RBM33: variants seen among roughly 807,000 people sequenced by gnomAD.
The protein encoded by RBM33 is RNA binding motif protein 33.
RBM33 carries 28 observed loss-of-function variants against 132.6 expected under a neutral mutation model. The ratio of observed to expected loss-of-function variants is 0.21; its 90% CI spans 0.16 to 0.29. The LOEUF (loss-of-function observed/expected upper bound fraction) is 0.29, where lower values mean the gene tolerates loss of function less well. Among genes scored for constraint, RBM33 ranks in the 10% least tolerant of loss-of-function variants. The probability of loss-of-function intolerance (pLI) is 1.00; values close to 1 mark genes in which losing one functional copy is unlikely to be tolerated. For synonymous variants in RBM33, 634 were observed against 593.0 expected (o/e 1.07, Z -1.01); for missense variants, 1,291 against 1,518.5 (o/e 0.85, Z 2.49).
chr7:155,656,680 T>TA (rs1183789644), intron 1 of RBM33, among the ~76,000 whole-genome samples: 1 of 152,228 alleles, frequency 6.6e-6, no homozygotes, highest in South Asian at 2.1e-4. Flanking sequence ...AGTCAGACAT[T>TA]AAAGAGTTTT....
chr7:155,744,527 C>T (rs1801451899), intron 13 of RBM33, among the ~76,000 whole-genome samples: 1 of 152,162 alleles, frequency 6.6e-6, no homozygotes. Context: ...GAAAATTCTG[C>T]ACGAAAAATC....
Position 155,774,932 on chromosome 7 carries a change from C to G in RBM33, c.3465-61C>G. ...CCGGGCTCTTTTAGTTTCCTCCCAC[C>G]TTGGTAGGTTGATTGCCGATGTGCA... On this transcript the variant is annotated intron_variant, in intron 17 of 17. Coordinates refer to ENST00000401878, the MANE Select transcript of RBM33 (RefSeq NM_053043.3). The surrounding 1 kb of genome is among the most constrained non-coding windows in gnomAD (Gnocchi z 4.2). 1 of 1,519,526 alleles carries G rather than the reference C, an allele frequency of 6.6e-7. No homozygotes were observed. Among genetic ancestry groups the G allele is most frequent in the Non-Finnish European group, 9.1e-7 (1 of 1,094,534 alleles). 94.1% of individuals were successfully genotyped at this position (1,519,526 alleles called of 1,614,324 possible).
chr7:155,718,965 TC>T (rs1800545387), intron 9 of RBM33, among the ~76,000 whole-genome samples: 2 of 152,226 alleles, frequency 1.3e-5, no homozygotes, highest in South Asian at 2.1e-4. Flanking sequence ...TCTCTCTCTC[TC>T]TCACACACAC....
chr7:155,750,424 A>G (rs921210496), intron 14 of RBM33, among the ~76,000 whole-genome samples: 2 of 152,258 alleles, frequency 1.3e-5, no homozygotes, highest in African/African-American at 4.8e-5. Context: ...AAAAGGAATT[A>G]GAACAAACAA....
intron 2 of RBM33, among the ~76,000 whole-genome samples, chr7:155,669,865 T>C (rs114036900): frequency 1.5e-3 from 230 of 152,274 alleles, no homozygotes; most frequent in African/African-American, 5.3e-3. Context: ...CTCCTCCTAC[T>C]TGGTGACGTT....
chr7:155,775,123 C>T lies in RBM33; in HGVS notation c.*82C>T, dbSNP rs1303630145. The T allele has an allele frequency of 4.0e-6, 5 of 1,234,882 alleles. No individual in the cohort carries two copies. In the Admixed American group the frequency reaches 8.5e-5, roughly 21 times the overall value. The allele number at this position is 1,234,882 out of a possible 1,614,324, so 76.5% of individuals were successfully genotyped here. On this transcript the variant is annotated 3_prime_UTR_variant, in exon 18 of 18. Coordinates refer to ENST00000401878, the MANE Select transcript of RBM33 (RefSeq NM_053043.3). ...GGAGCTGCCGGCCGGCGCAGAACCC[C>T]CAGGAGCACAGGTCTCTCCGGGCCG...
chr7:155,698,724 TG>T (rs1460197848), intron 5 of RBM33, among the ~76,000 whole-genome samples: 2 of 152,358 alleles, frequency 1.3e-5, no homozygotes, highest in African/African-American at 2.4e-5. Context: ...TGGTTACCAG[TG>T]TAATTTTGTT....
chr7:155,681,448 A>G (rs1799335972), intron 5 of RBM33, among the ~76,000 whole-genome samples: 1 of 151,878 alleles, frequency 6.6e-6, no homozygotes, highest in African/African-American at 2.4e-5. Flanking sequence ...GATTGTGCTG[A>G]TTTTTTATTT....
At chr7:155,675,281 G>C (rs1462160229) in intron 3 of RBM33, among the ~76,000 whole-genome samples, 2 of 137,856 alleles carry the variant, frequency 1.5e-5, no homozygotes, top group African/African-American at 2.9e-5. Flanking sequence ...GAGACGGAGT[G>C]AGACTCCGTC....
intron 2 of RBM33, among the ~76,000 whole-genome samples, chr7:155,666,793 A>G (rs949091584): frequency 1.3e-4 from 20 of 152,256 alleles, no homozygotes; most frequent in Middle Eastern, 3.4e-3. Flanking sequence ...TTTATTGTTT[A>G]TAAGTATCTC....
At chr7:155,676,162 G>A (rs1799179366) in intron 3 of RBM33, among the ~76,000 whole-genome samples, 1 of 152,146 alleles carries the variant, frequency 6.6e-6, no homozygotes, top group Non-Finnish European at 1.5e-5. Flanking sequence ...GCCCGAGGGA[G>A]GCGCATAGTA....
rs571547628 is a variant in RBM33, at chr7:155,745,821, G to A, written c.2979+219G>A. The A allele has an allele frequency of 5.8e-5, 33 of 568,110 alleles. No individual in the cohort carries two copies. The highest frequency in any genetic ancestry group is 3.6e-4 in the African/African-American group (19 of 53,456). The allele number at this position is 568,110 out of a possible 1,614,324, so 35.2% of individuals were successfully genotyped here. Reference sequence around the variant, plus strand: ...TAGGCGATTTTGTCATTGTCTGAACGTGCTAGAATGTACTTCCATACACAG... The same window carrying A: ...TAGGCGATTTTGTCATTGTCTGAACATGCTAGAATGTACTTCCATACACAG... On this transcript the variant is annotated intron_variant, in intron 14 of 17. Coordinates refer to ENST00000401878, the MANE Select transcript of RBM33 (RefSeq NM_053043.3). This position sits in a 1 kb window ranked among gnomAD's most constrained non-coding sequence, Gnocchi z 4.1.
At chr7:155,763,699 G>T in intron 14 of RBM33, 113 bp from the exon 15 acceptor site, 1 of 944,244 alleles carries the variant, frequency 1.1e-6, no homozygotes, top group South Asian at 1.4e-5. Flanking sequence ...ACACTTGTTT[G>T]AAATGGTTTT....
At position 155,777,833 on chromosome 7, in the gene RBM33, T is replaced by C. The variant is rs1359621484; in HGVS notation, c.*2792T>C. On this transcript the variant is annotated 3_prime_UTR_variant, in exon 18 of 18. Transcript: ENST00000401878. ...AAAGATGGTAGTAAGTCAATACATT[T>C]ATCCTGATCTGTGTATTATTTGTTC... The C allele has an allele frequency of 6.5e-6, 1 of 152,708 alleles. No individual in the cohort carries two copies. Among genetic ancestry groups the C allele is most frequent in the African/African-American group, 2.4e-5 (1 of 41,468 alleles). The allele number at this position is 152,708 out of a possible 1,614,324, so 9.5% of individuals were successfully genotyped here.
chr7:155,673,729 CATAT>C (rs1185961264), intron 3 of RBM33, among the ~76,000 whole-genome samples: 1 of 143,482 alleles, frequency 7.0e-6, no homozygotes, highest in African/African-American at 2.7e-5. Flanking sequence ...TATACACACA[CATAT>C]ATACATACAC....
intron 16 of RBM33, 66 bp downstream of exon 16, chr7:155,766,721 T>G (rs1245619722): frequency 6.7e-7 from 1 of 1,482,416 alleles, no homozygotes; most frequent in Non-Finnish European, 9.2e-7. Flanking sequence ...CATTTCTTGA[T>G]TTAAAACACA....
chr7:155,707,803 C>G (rs1299680652), intron 7 of RBM33, among the ~76,000 whole-genome samples: 1 of 152,160 alleles, frequency 6.6e-6, no homozygotes, highest in African/African-American at 2.4e-5. Context: ...ATTACAGGCA[C>G]TTACCACCAC....
rs1799875916 is a variant in RBM33 at position 155,698,851 on chromosome 7, T to A, written c.568-1922T>A. Among the ~76,000 whole-genome samples, 3 of 152,360 alleles carry A rather than the reference T, an allele frequency of 2.0e-5. 1 individual carries two copies. The South Asian group carries it at 6.2e-4, about 32-fold the overall frequency. On this transcript the variant is annotated intron_variant, in intron 5 of 17. Coordinates refer to ENST00000401878, the MANE Select transcript of RBM33 (RefSeq NM_053043.3). The stretch of plus-strand genomic sequence containing the variant: ...TTTATCCCTGTTATGTCAATAGACC[T>A]ATTGCGAAGTAGCATTCTGTGGTTT...
rs1161648460 is a variant in RBM33, at chr7:155,780,445, G to C, written c.*5404G>C. The C allele has an allele frequency of 2.6e-5, 4 of 152,256 alleles. No homozygotes were observed. The highest frequency in any genetic ancestry group is 5.9e-5 in the Non-Finnish European group (4 of 68,080). 9.4% of individuals were successfully genotyped at this position (152,256 alleles called of 1,614,324 possible). A position where few individuals can be genotyped will look rare whatever the true frequency, so the allele number is the denominator to read the frequency against. On this transcript the variant is annotated 3_prime_UTR_variant, in exon 18 of 18. Transcript: ENST00000401878. ...GTGTGACCTTTTTCATGTCTGAGCT[G>C]ATTCTGTTTGCTCCACGTGCCTGCT...
Sources: allele counts gnomAD v4.1 joint callset (sites outside exome capture counted in the v4.1 genomes callset), GRCh38; gene constraint gnomAD v4.1.1; non-coding constraint Gnocchi (gnomAD v3.1); transcripts MANE v1.5; gene names NCBI Gene and HGNC (gene_info 2026-07-23, HGNC 2026-07-21).